RMI1: variants seen among roughly 807,000 people sequenced by gnomAD.
The protein encoded by RMI1 is RecQ mediated genome instability 1.
In RMI1, 36 loss-of-function variants were observed where a neutral mutation model predicts 46.7. The observed-to-expected ratio is 0.77, with a 90% CI of 0.59 to 1.02. RMI1 has a LOEUF of 1.02. Ranked by LOEUF, RMI1 falls within the 50% of genes least tolerant of loss-of-function variation. RMI1 has a pLI of 0.00. For missense variants in RMI1, 676 were observed against 713.7 expected (o/e 0.95, Z 0.60); for synonymous variants, 250 against 252.9 (o/e 0.99, Z 0.11).
intron 1 of RMI1, among the ~76,000 whole-genome samples, chr9:83,981,716 GA>G (rs1296099551): frequency 1.3e-5 from 2 of 152,162 alleles, no homozygotes; most frequent in Non-Finnish European, 2.9e-5. Flanking sequence ...ACCATTGGCC[GA>G]ATACATGCAT....
chr9:83,983,628 T>C (rs1039467585), intron 1 of RMI1, among the ~76,000 whole-genome samples: 1 of 152,106 alleles, frequency 6.6e-6, no homozygotes, highest in Admixed American at 6.6e-5. Flanking sequence ...AATTGGAATA[T>C]ATGAGGCTGA....
intron 1 of RMI1, among the ~76,000 whole-genome samples, chr9:83,992,601 G>A (rs1957590844): frequency 6.6e-6 from 1 of 152,164 alleles, no homozygotes; most frequent in African/African-American, 2.4e-5. Flanking sequence ...GGGTGACTCA[G>A]GTTTTTCACT....
At chr9:83,996,048 A>C (rs533375611) in intron 1 of RMI1, among the ~76,000 whole-genome samples, 1 of 152,086 alleles carries the variant, frequency 6.6e-6, no homozygotes, top group African/African-American at 2.4e-5. Flanking sequence ...GATTGGTAGT[A>C]ATTTTCCTAA....
intron 1 of RMI1, among the ~76,000 whole-genome samples, chr9:83,989,092 C>T (rs947158507): frequency 6.6e-5 from 10 of 152,148 alleles, no homozygotes; most frequent in African/African-American, 2.4e-4. Context: ...TTCCTGGGCT[C>T]AAGTGATCCT....
intron 1 of RMI1, among the ~76,000 whole-genome samples, chr9:83,993,980 C>T (rs903191094): frequency 5.0e-5 from 7 of 140,614 alleles, no homozygotes; most frequent in East Asian, 4.1e-4. Flanking sequence ...GATGGGGTTT[C>T]GCCATGTTGT....
At position 84,001,896 on chromosome 9, in the gene RMI1, A is replaced by C. The variant is rs1355722945; in HGVS notation, c.910A>C (p.Ile304Leu). The change falls in exon 3 of 3, where the codon ATA becomes CTA. Residue 304 changes from isoleucine (I) to leucine (L), a missense_variant. Transcript: ENST00000445877. ...AAAAGAGGAACCATCAAACCTATCT[A>C]TACATGTAATGGATGGAGAATTAGA... ...RPKEEPSNLSIHVMDGELDDF... is the reference protein window; with the variant it reads ...RPKEEPSNLSLHVMDGELDDF... 6.2e-7 allele frequency: 1 copy of C among 1,613,944 alleles called. No homozygotes were observed. The highest frequency in any genetic ancestry group is 8.5e-7 in the Non-Finnish European group (1 of 1,179,960).
chr9:83,996,561 A>G (rs777697339), intron 1 of RMI1, among the ~76,000 whole-genome samples: 1 of 152,134 alleles, frequency 6.6e-6, no homozygotes, highest in Non-Finnish European at 1.5e-5. Flanking sequence ...ATTTTTGTCT[A>G]GTTTCTTGTA....
At chr9:83,982,785 ATTTTTCCCCCCATT>A (rs1957438642) in intron 1 of RMI1, among the ~76,000 whole-genome samples, 1 of 151,548 alleles carries the variant, frequency 6.6e-6, no homozygotes, top group Non-Finnish European at 1.5e-5. Context: ...GATGGTTGCT[ATTTTTCCCCCCATT>A]TGATTTCTTC....
intron 1 of RMI1, among the ~76,000 whole-genome samples, chr9:83,987,094 C>T (rs1291171320): frequency 1.3e-5 from 2 of 152,006 alleles, no homozygotes; most frequent in Non-Finnish European, 2.9e-5. Context: ...GATGGAGTCT[C>T]ACTCTGTCAC....
At position 84,000,982 on chromosome 9, in the gene RMI1, A is replaced by G; in HGVS notation, c.-5A>G. The G allele has an allele frequency of 6.4e-7, 1 of 1,562,054 alleles. No individual in the cohort carries two copies. Among genetic ancestry groups the G allele is most frequent in the Non-Finnish European group, 8.6e-7 (1 of 1,158,362 alleles). On this transcript the variant is annotated 5_prime_UTR_variant, in exon 3 of 3. Coordinates refer to ENST00000445877, the MANE Select transcript of RMI1 (RefSeq NM_001358291.2). Reference sequence around the variant, plus strand: ...GATGCATATTATTTCTTTTATTTAAAAGAAATGAATGTGACTAGTATTGCA... The same window carrying G: ...GATGCATATTATTTCTTTTATTTAAGAGAAATGAATGTGACTAGTATTGCA...
chr9:83,989,667 CAA>C (rs34101686), intron 1 of RMI1, among the ~76,000 whole-genome samples: 82 of 142,048 alleles, frequency 5.8e-4, no homozygotes, highest in Non-Finnish European at 9.5e-4. Context: ...ATCAAAAAGA[CAA>C]AAAAAAAAAT....
intron 1 of RMI1, among the ~76,000 whole-genome samples, chr9:83,983,126 C>T (rs1185570324): frequency 6.6e-6 from 1 of 152,190 alleles, no homozygotes; most frequent in African/African-American, 2.4e-5. Context: ...GTATTTATAA[C>T]TACTATTTCC....
At chr9:83,989,661 A>G (rs7047702) in intron 1 of RMI1, among the ~76,000 whole-genome samples, 15,593 of 47,180 alleles carry the variant, frequency 0.33, 1,019 homozygotes, top group South Asian at 0.4. Context: ...ATGGCTATCA[A>G]AAAGACAAAA....
chr9:83,985,495 T>C (rs1001014611), intron 1 of RMI1, among the ~76,000 whole-genome samples: 35 of 152,362 alleles, frequency 2.3e-4, no homozygotes, highest in Middle Eastern at 6.8e-3. Flanking sequence ...GGTTATCTTT[T>C]GGGTGTTTAG....
At chr9:83,985,435 A>C (rs141951131) in intron 1 of RMI1, among the ~76,000 whole-genome samples, 1 of 152,318 alleles carries the variant, frequency 6.6e-6, no homozygotes, top group African/African-American at 2.4e-5. Flanking sequence ...GAATGCTTGT[A>C]CAGTGTTAAG....
rs1231664118 is a variant in RMI1 at position 84,002,858 on chromosome 9, TAA to T, written c.1874_1875del (p.Lys625IlefsTer6). On this transcript the variant is annotated frameshift_variant, in exon 3 of 3. Coordinates refer to ENST00000445877, the MANE Select transcript of RMI1 (RefSeq NM_001358291.2). LOFTEE classifies it high-confidence loss of function. ...HLENLKKRLN[K>X] ...TTGAGAATCTAAAGAAGCGGTTAAA[TAA>T]ATAATTAAACTAAAATAGTATTAGG... 6.7e-7 allele frequency: 1 copy of T among 1,489,118 alleles called. No homozygotes were observed. The highest frequency in any genetic ancestry group is 1.3e-5 in the South Asian group (1 of 79,010). The allele number at this position is 1,489,118 out of a possible 1,614,324, so 92.2% of individuals were successfully genotyped here.
chr9:83,992,286 A>G (rs1957586351), intron 1 of RMI1, among the ~76,000 whole-genome samples: 1 of 152,190 alleles, frequency 6.6e-6, no homozygotes, highest in Admixed American at 6.5e-5. Context: ...CATTTAATAT[A>G]TATCATTGAA....
Position 84,002,813 on chromosome 9 carries a change from A to G in RMI1, c.1827A>G (p.Gln609=). 6.2e-7 allele frequency: 1 copy of G among 1,600,682 alleles called. No individual in the cohort carries two copies. Among genetic ancestry groups the G allele is most frequent in the Non-Finnish European group, 8.6e-7 (1 of 1,169,466 alleles). ...CTAAAGCAATGGTACTGGCATTACA[A>G]GATGTTAATATGGAACACCTTGAGA... ...SLSKAMVLAL[Q]DVNMEHLENL... Residue 609 remains glutamine, a synonymous_variant, in exon 3 of 3, where the codon CAA becomes CAG. Transcript: ENST00000445877.
intron 1 of RMI1, among the ~76,000 whole-genome samples, chr9:83,983,477 C>G (rs967106538): frequency 2.0e-5 from 3 of 152,042 alleles, no homozygotes; most frequent in Non-Finnish European, 4.4e-5. Flanking sequence ...TGTAGACTTA[C>G]CTTTATTGTT....
Sources: gnomAD v4.1 joint callset for allele counts (sites outside exome capture counted in the v4.1 genomes callset) on GRCh38, gnomAD v4.1.1 for gene constraint, MANE v1.5 for transcripts, NCBI Gene and HGNC (gene_info 2026-07-23, HGNC 2026-07-21) for gene names.